The following SASH1 variants were observed in gnomAD, a reference collection of about 807,000 sequenced individuals.
SASH1 encodes the protein SAM and SH3 domain containing 1.
A neutral mutation model predicts 125.2 loss-of-function variants in SASH1; 44 were observed. The observed-to-expected ratio is 0.35, with a 90% CI of 0.28 to 0.45. SASH1 has a LOEUF of 0.45. SASH1 is among the 20% of genes least tolerant of loss of function. The pLI, the probability that SASH1 is intolerant of heterozygous loss-of-function variation, is 1.00. For synonymous variants in SASH1, 639 were observed against 649.1 expected, an observed-to-expected ratio of 0.98 and a Z score of 0.24; for missense variants, 1,426 against 1,614.5, an observed-to-expected ratio of 0.88 and a Z score of 2.00.
chr6:148,491,560 G>A (rs1002515019), intron 8 of SASH1, among the ~76,000 whole-genome samples: 2 of 152,152 alleles, frequency 1.3e-5, no homozygotes, highest in Non-Finnish European at 1.5e-5. Context: ...GTGAGCCACC[G>A]CACCTGGCCT....
chr6:148,241,702 G>A, the SASH1 span, among the ~76,000 whole-genome samples: 10,033 of 152,256 alleles, frequency 0.066, 453 homozygotes, highest in Non-Finnish European at 0.098. Flanking sequence ...AGGTTCTGGA[G>A]CCACGCAATT....
intron 11 of SASH1, among the ~76,000 whole-genome samples, chr6:148,526,901 C>A (rs1162399555): frequency 1.4e-5 from 2 of 142,306 alleles, no homozygotes; most frequent in Admixed American, 7.3e-5. Flanking sequence ...GAGAGGGAGT[C>A]TCACTCTGTC....
At chr6:148,458,981 TATACACAC>T (rs1361345261) in intron 4 of SASH1, among the ~76,000 whole-genome samples, 3 of 58,886 alleles carry the variant, frequency 5.1e-5, no homozygotes, top group Admixed American at 2.0e-4. Flanking sequence ...AAAAAAAAAG[TATACACAC>T]ACACACACAC....
chr6:148,319,997 C>A (rs2493908), intron 1 of SASH1, among the ~76,000 whole-genome samples: 1 of 151,982 alleles, frequency 6.6e-6, no homozygotes, highest in Non-Finnish European at 1.5e-5. Flanking sequence ...CTGTTGAAGT[C>A]ACCCTTATTT....
Position 148,519,666 on chromosome 6 carries a change from G to A in SASH1, c.982G>A (p.Asp328Asn). ...DGSPEKPPEDDSDSLTTSPSS... is the reference protein window; with the variant it reads ...DGSPEKPPEDNSDSLTTSPSS... Reference sequence around the variant, plus strand: ...CTCTCCTGAGAAACCTCCCGAAGATGACTCAGACTCTCTCACCACGTCTCC... The same window carrying A: ...CTCTCCTGAGAAACCTCCCGAAGATAACTCAGACTCTCTCACCACGTCTCC... The change falls in exon 10 of 20, where the codon GAC becomes AAC. Residue 328 changes from aspartate (D) to asparagine (N), a missense_variant. Coordinates refer to ENST00000367467, the MANE Select transcript of SASH1 (RefSeq NM_015278.5). The surrounding 1 kb of genome is among the most constrained non-coding windows in gnomAD (Gnocchi z 4.8). 6.2e-7 allele frequency: 1 copy of A among 1,614,140 alleles called. No homozygotes were observed. Among genetic ancestry groups the A allele is most frequent in the Non-Finnish European group, 8.5e-7 (1 of 1,180,028 alleles).
intron 10 of SASH1, chr6:148,525,060 A>G (rs1246083421): frequency 3.9e-6 from 2 of 517,986 alleles, no homozygotes; most frequent in Non-Finnish European, 6.9e-6. Context: ...AGGGGATTCT[A>G]GACCTCTGGG....
intron 8 of SASH1, among the ~76,000 whole-genome samples, chr6:148,503,632 G>A (rs144463437): frequency 7.8e-4 from 119 of 152,272 alleles, no homozygotes; most frequent in Non-Finnish European, 1.1e-3. Context: ...CCCAGAGAAG[G>A]TCCCCACTTA....
the SASH1 span, among the ~76,000 whole-genome samples, chr6:148,264,727 C>A: frequency 6.6e-6 from 1 of 152,252 alleles, no homozygotes; most frequent in African/African-American, 2.4e-5. Context: ...TCTTCCCACA[C>A]TCAGAGCAGC....
chr6:148,402,622 T>A (rs1784216069), intron 2 of SASH1, among the ~76,000 whole-genome samples: 1 of 150,356 alleles, frequency 6.7e-6, no homozygotes, highest in Non-Finnish European at 1.5e-5. Context: ...AATGACATTT[T>A]TTTTTTTTTG....
At chr6:148,483,321 C>T (rs1397274778) in intron 7 of SASH1, among the ~76,000 whole-genome samples, 2 of 152,060 alleles carry the variant, frequency 1.3e-5, no homozygotes, top group Non-Finnish European at 2.9e-5. Flanking sequence ...ATCACCTTCC[C>T]CACCCCTCCC....
chr6:148,421,153 GAAAGAAAGA>G (rs1562396427), intron 2 of SASH1, among the ~76,000 whole-genome samples: 1,604 of 81,008 alleles, frequency 0.02, 53 homozygotes, highest in African/African-American at 0.023. Context: ...AAGGAAGAAA[GAAAGAAAGA>G]AAGAAAGAAA....
intron 8 of SASH1, among the ~76,000 whole-genome samples, chr6:148,505,660 G>GAGAT (rs1779758663): frequency 6.7e-6 from 1 of 148,982 alleles, no homozygotes; most frequent in African/African-American, 2.5e-5. Context: ...TTTCTTTTTG[G>GAGAT]AGATAGAGTG....
intron 2 of SASH1, among the ~76,000 whole-genome samples, chr6:148,410,369 A>C (rs891094331): frequency 6.6e-6 from 1 of 151,976 alleles, no homozygotes; most frequent in South Asian, 2.1e-4. Context: ...TCGGCCTCCC[A>C]ACAGAGCAGT....
intron 2 of SASH1, among the ~76,000 whole-genome samples, chr6:148,398,836 G>A (rs1784055497): frequency 6.6e-6 from 1 of 152,178 alleles, no homozygotes; most frequent in South Asian, 2.1e-4. Context: ...ATACACTGAA[G>A]CATTATATCT....
chr6:148,502,046 A>T (rs1463909240), intron 8 of SASH1, among the ~76,000 whole-genome samples: 3 of 152,224 alleles, frequency 2.0e-5, no homozygotes, highest in Non-Finnish European at 4.4e-5. Context: ...AAGGAATGGT[A>T]ATATTACCTC....
chr6:148,352,431 T>C (rs1309735229), intron 1 of SASH1, among the ~76,000 whole-genome samples: 2 of 151,242 alleles, frequency 1.3e-5, no homozygotes, highest in African/African-American at 2.4e-5. Flanking sequence ...ACCCCATCTC[T>C]ACCAAAAATA....
chr6:148,333,924 G>A (rs1044053484), intron 1 of SASH1, among the ~76,000 whole-genome samples: 1 of 151,918 alleles, frequency 6.6e-6, no homozygotes, highest in Non-Finnish European at 1.5e-5. Flanking sequence ...TTGGGTTCAA[G>A]CAATTCTCCT....
chr6:148,423,217 G>T (rs1019631036), intron 2 of SASH1, among the ~76,000 whole-genome samples: 1 of 152,216 alleles, frequency 6.6e-6, no homozygotes, highest in African/African-American at 2.4e-5. Flanking sequence ...GATTACAGGC[G>T]TGAGCCACCG....
chr6:148,406,176 T>G (rs1468785993), intron 2 of SASH1, among the ~76,000 whole-genome samples: 2 of 152,140 alleles, frequency 1.3e-5, no homozygotes, highest in Non-Finnish European at 2.9e-5. Context: ...AAGCCAGCAT[T>G]TTAGTGAGAT....
Sources: gnomAD v4.1 joint callset for allele counts (sites outside exome capture counted in the v4.1 genomes callset) on GRCh38, gnomAD v4.1.1 for gene constraint, Gnocchi (gnomAD v3.1) non-coding constraint, MANE v1.5 for transcripts, NCBI Gene and HGNC (gene_info 2026-07-23, HGNC 2026-07-21) for gene names.